Variants in CCDC39 observed in about 807,000 individuals in gnomAD.
CCDC39 encodes the protein coiled-coil domain-containing protein 39.
In CCDC39, 113 loss-of-function variants were observed where a neutral mutation model predicts 121.0. The ratio of observed to expected loss-of-function variants is 0.93; its 90% CI spans 0.80 to 1.09. The LOEUF (loss-of-function observed/expected upper bound fraction) is 1.09. Ranked by LOEUF, CCDC39 falls within the 50% of genes least tolerant of loss-of-function variation. The pLI, the probability that CCDC39 is intolerant of heterozygous loss-of-function variation, is 0.00. For synonymous variants in CCDC39, 349 were observed against 352.2 expected (o/e 0.99, Z 0.10); for missense variants, 1,063 against 1,074.7 (o/e 0.99, Z 0.15).
intron 13 of CCDC39, among the ~76,000 whole-genome samples, chr3:180,636,593 C>T (rs972713895): frequency 6.7e-6 from 1 of 149,370 alleles, no homozygotes; most frequent in African/African-American, 2.5e-5. Flanking sequence ...TTTTAAAATT[C>T]ATATGGAACC....
At chr3:180,624,087 A>G (rs1376326423) in intron 14 of CCDC39, among the ~76,000 whole-genome samples, 2 of 152,076 alleles carry the variant, frequency 1.3e-5, no homozygotes, top group African/African-American at 4.8e-5. Flanking sequence ...TGCTTGTTTT[A>G]TGAATCTAGG....
At chr3:180,675,334 T>C (rs188190761) in intron 1 of CCDC39, among the ~76,000 whole-genome samples, 1,748 of 152,338 alleles carry the variant, frequency 0.011, 35 homozygotes, top group African/African-American at 0.038. Context: ...ATATCCTCTT[T>C]ATCATTTTTT....
intron 14 of CCDC39, among the ~76,000 whole-genome samples, chr3:180,629,513 A>G (rs2108411937): frequency 6.6e-6 from 1 of 152,322 alleles, no homozygotes; most frequent in Non-Finnish European, 1.5e-5. Context: ...CCCACTAGAA[A>G]ATGCCAACAC....
At chr3:180,658,603 A>G (rs1468302058) in intron 6 of CCDC39, among the ~76,000 whole-genome samples, 1 of 152,100 alleles carries the variant, frequency 6.6e-6, no homozygotes, top group African/African-American at 2.4e-5. Flanking sequence ...TCTCAAAAAA[A>G]AAAAAGAGAG....
At chr3:180,644,046 T>C (rs768877663) in intron 12 of CCDC39, 74 bp downstream of exon 12, 53 of 1,108,490 alleles carry the variant, frequency 4.8e-5, no homozygotes, top group African/African-American at 1.8e-4. Context: ...TAATTTGCTA[T>C]ATTTTTTCAT....
At chr3:180,630,406 T>C (rs1301836793) in intron 14 of CCDC39, among the ~76,000 whole-genome samples, 1 of 152,064 alleles carries the variant, frequency 6.6e-6, no homozygotes, top group African/African-American at 2.4e-5. Context: ...AGGCATACCA[T>C]ACTTGCTGCA....
chr3:180,619,374 T>C lies in CCDC39; in HGVS notation c.2159-9A>G, dbSNP rs767936180. 10 of 1,320,220 alleles carry C rather than the reference T, an allele frequency of 7.6e-6. No individual in the cohort carries two copies. The South Asian group carries it at 1.3e-4, about 18-fold the overall frequency. The allele number at this position is 1,320,220 out of a possible 1,614,324, so 81.8% of individuals were successfully genotyped here. The stretch of plus-strand genomic sequence containing the variant: ...TAGCTCATACTCATCACCTGAAATG[T>C]AGAACATTTTTAGTTTAAAATTTCA... On this transcript the variant is annotated splice_polypyrimidine_tract_variant and intron_variant, in intron 15 of 19. Coordinates refer to ENST00000476379, the MANE Select transcript of CCDC39 (RefSeq NM_181426.2).
At chr3:180,623,214 T>A (rs1717473780) in intron 14 of CCDC39, among the ~76,000 whole-genome samples, 2 of 151,680 alleles carry the variant, frequency 1.3e-5, no homozygotes, top group African/African-American at 2.4e-5. Context: ...CAGAAATTTA[T>A]CTGTTTCCAG....
At chr3:180,662,972 G>A (rs1711778837) in intron 2 of CCDC39, among the ~76,000 whole-genome samples, 1 of 152,154 alleles carries the variant, frequency 6.6e-6, no homozygotes, top group Admixed American at 6.5e-5. Flanking sequence ...GAGCTGCCTG[G>A]TTTGCTGGGC....
At chr3:180,623,108 A>G (rs1276496355) in intron 14 of CCDC39, among the ~76,000 whole-genome samples, 1 of 139,992 alleles carries the variant, frequency 7.1e-6, no homozygotes, top group Non-Finnish European at 1.6e-5. Context: ...TATTATTATT[A>G]TTATTATGGA....
intron 12 of CCDC39, among the ~76,000 whole-genome samples, 141 bp downstream of exon 12, chr3:180,643,961 AAGACTGGAGGGAAATTAT>A (rs1214321563): frequency 6.6e-6 from 1 of 152,188 alleles, no homozygotes; most frequent in Non-Finnish European, 1.5e-5. Context: ...ATTTCTTTAC[AAGACTGGAGGGAAATTAT>A]AGACTTTAAC....
intron 14 of CCDC39, among the ~76,000 whole-genome samples, chr3:180,621,576 T>C (rs577921239): frequency 2.0e-5 from 3 of 152,268 alleles, no homozygotes; most frequent in Non-Finnish European, 4.4e-5. Context: ...TAGCCCACTT[T>C]TTTTTCTTCC....
chr3:180,652,415 C>T (rs922628043), intron 7 of CCDC39, 149 bp from the exon 8 acceptor site: 2 of 490,466 alleles, frequency 4.1e-6, no homozygotes, highest in African/African-American at 4.1e-5. Flanking sequence ...AATATATAAA[C>T]AGATTTCCAT....
At chr3:180,661,762 G>T in intron 3 of CCDC39, 99 bp downstream of exon 3, 1 of 1,040,104 alleles carries the variant, frequency 9.6e-7, no homozygotes, top group Non-Finnish European at 1.4e-6. Context: ...GGAAACTAAT[G>T]TATGCCTTTC....
chr3:180,623,790 G>C (rs1049716354), intron 14 of CCDC39, among the ~76,000 whole-genome samples: 1 of 150,944 alleles, frequency 6.6e-6, no homozygotes, highest in Admixed American at 6.6e-5. Context: ...ATTGATTGCC[G>C]GTTTTTCACT....
At position 180,619,344 on chromosome 3, in the gene CCDC39, A is replaced by G. The variant is rs1717358441; in HGVS notation, c.2180T>C (p.Ile727Thr). Reference protein sequence around the residue: ...TPSSDEYELKIQLEEQKRAVD... With the variant: ...TPSSDEYELKTQLEEQKRAVD... ...AGCTCTTTTTTGTTCTTCTAGTTGA[A>G]TTTTTAGCTCATACTCATCACCTGA... Residue 727 changes from isoleucine to threonine, a missense_variant, in exon 16 of 20, where the codon ATT becomes ACT. By Grantham distance (89) the Ile-to-Thr change is moderately conservative. Transcript: ENST00000476379. The G allele has an allele frequency of 6.5e-7, 1 of 1,527,460 alleles. No homozygotes were observed. Among genetic ancestry groups the G allele is most frequent in the Non-Finnish European group, 8.9e-7 (1 of 1,126,968 alleles). The allele number at this position is 1,527,460 out of a possible 1,614,324, so 94.6% of individuals were successfully genotyped here.
chr3:180,623,819 AT>A (rs796802475), intron 14 of CCDC39, among the ~76,000 whole-genome samples: 22 of 147,490 alleles, frequency 1.5e-4, no homozygotes, highest in Middle Eastern at 3.5e-3. Context: ...GTCTGAGAAG[AT>A]TTTTTTTTTT....
intron 6 of CCDC39, 29 bp from the exon 7 acceptor site, chr3:180,654,982 A>AAC: frequency 7.3e-7 from 1 of 1,370,410 alleles, no homozygotes. Context: ...TGTTTACTTA[A>AAC]ATATATGTTT....
chr3:180,660,968 G>C (rs1711728504), intron 3 of CCDC39, among the ~76,000 whole-genome samples: 1 of 151,992 alleles, frequency 6.6e-6, no homozygotes, highest in South Asian at 2.1e-4. Context: ...GTCAAGAACA[G>C]TAGTTGAGCC....
Sources: allele counts gnomAD v4.1 joint callset (sites outside exome capture counted in the v4.1 genomes callset), GRCh38; gene constraint gnomAD v4.1.1; transcripts MANE v1.5; gene names NCBI Gene and HGNC (gene_info 2026-07-23, HGNC 2026-07-21).